Variants in TFDP2 observed in about 807,000 individuals in gnomAD.
TFDP2 encodes the protein transcription factor Dp-2, also known as transcription factor Dp-2 (E2F dimerization partner 2).
In TFDP2, 17 loss-of-function variants were observed where a neutral mutation model predicts 59.3. The ratio of observed to expected loss-of-function variants is 0.29; its 90% CI spans 0.20 to 0.43. The LOEUF (loss-of-function observed/expected upper bound fraction) is 0.43, where lower values mean the gene tolerates loss of function less well. TFDP2 is among the 20% of genes least tolerant of loss of function. TFDP2 has a pLI of 1.00. For missense variants in TFDP2, 391 were observed against 528.8 expected (o/e 0.74, Z 2.56); for synonymous variants, 180 against 194.7 (o/e 0.92, Z 0.63).
intron 3 of TFDP2, among the ~76,000 whole-genome samples, chr3:142,039,192 A>G (rs766048245): frequency 2.6e-5 from 4 of 152,198 alleles, no homozygotes; most frequent in Non-Finnish European, 4.4e-5. Flanking sequence ...ATTCATACTC[A>G]TATTTTTATT....
chr3:141,967,753 A>G (rs1436593470), intron 9 of TFDP2, among the ~76,000 whole-genome samples: 1 of 152,186 alleles, frequency 6.6e-6, no homozygotes, highest in Non-Finnish European at 1.5e-5. Context: ...GAGAGACAGT[A>G]GAGGAAAAGA....
At position 141,963,907 on chromosome 3, in the gene TFDP2, C is replaced by T. The variant is rs774385099; in HGVS notation, c.789G>A (p.Gln263=). 5.0e-5 allele frequency: 81 copies of T among 1,613,514 alleles called. No homozygotes were observed. In the Admixed American group the frequency reaches 1.2e-3, roughly 23 times the overall value. The change falls in exon 10 of 13, where the codon CAG becomes CAA. Residue 263 remains glutamine (Q), a synonymous_variant. Coordinates refer to ENST00000489671, the MANE Select transcript of TFDP2 (RefSeq NM_001178139.2). ...TGGTAGAGTTCAGAGCCGGCGGGCC[C>T]TGGTTTTGCTGCTCATTTTGTCGAT... is the stretch of plus-strand genomic sequence containing the variant. ...QRNRQNEQQN[Q]GPPALNSTIQ...
chr3:141,977,495 G>C (rs1940874440), intron 7 of TFDP2, among the ~76,000 whole-genome samples: 1 of 151,902 alleles, frequency 6.6e-6, no homozygotes, highest in Non-Finnish European at 1.5e-5. Context: ...AGGATGCTGA[G>C]GCACAAGCAT....
intron 1 of TFDP2, among the ~76,000 whole-genome samples, chr3:142,110,370 G>A (rs939899122): frequency 3.3e-5 from 5 of 152,014 alleles, no homozygotes; most frequent in East Asian, 1.9e-4. Flanking sequence ...CGGGCGTGGC[G>A]GCAAGCGCCT....
intron 1 of TFDP2, among the ~76,000 whole-genome samples, chr3:142,102,385 T>C (rs4683669): frequency 0.085 from 12,952 of 152,172 alleles, 693 homozygotes; most frequent in Middle Eastern, 0.14. Context: ...TACATAATGA[T>C]AGTAACAGAT....
intron 3 of TFDP2, among the ~76,000 whole-genome samples, chr3:142,029,464 G>GT (rs11569167): frequency 2.0e-5 from 3 of 151,202 alleles, no homozygotes; most frequent in Non-Finnish European, 3.0e-5. Context: ...TGTTGTCCTG[G>GT]TTTTTTTTTA....
chr3:142,077,031 T>C (rs2060481445), intron 3 of TFDP2, among the ~76,000 whole-genome samples: 1 of 152,176 alleles, frequency 6.6e-6, no homozygotes, highest in Admixed American at 6.5e-5. Context: ...AGAGAATCTA[T>C]GCACCTGGGG....
At chr3:142,112,379 C>T (rs1324655144) in intron 1 of TFDP2, among the ~76,000 whole-genome samples, 5 of 152,192 alleles carry the variant, frequency 3.3e-5, no homozygotes, top group Admixed American at 2.6e-4. Context: ...TTCCCCAGAG[C>T]TCAACGCAGC....
At chr3:142,027,300 T>C (rs1032806199) in intron 3 of TFDP2, among the ~76,000 whole-genome samples, 1 of 152,086 alleles carries the variant, frequency 6.6e-6, no homozygotes. Context: ...AAATAATAAA[T>C]TTTAAATGAC....
At position 142,051,265 on chromosome 3, in the gene TFDP2, C is replaced by T. The variant is rs576978978; in HGVS notation, c.82+41796G>A. ...CAATCAAAAATGTCTCCAGGCCTGG[C>T]GCGGTGGCTCAGGCCTGTAATCCAG... On this transcript the variant is annotated intron_variant, in intron 3 of 12. Transcript: ENST00000489671. 3.3e-5 allele frequency among the ~76,000 whole-genome samples: 5 copies of T among 152,234 alleles called. No homozygotes were observed. The East Asian group carries it at 5.8e-4, about 18-fold the overall frequency.
Position 142,105,976 on chromosome 3 carries a change from A to G in TFDP2, c.-92-4135T>C, listed in dbSNP as rs186129581. On this transcript the variant is annotated intron_variant, in intron 1 of 12. Transcript: ENST00000489671. Reference sequence around the variant, plus strand: ...ATTCAATGTTAGAGGGGGGAAAAAAATCTGTTCATTGATTTCTCATGACAA... The same window carrying G: ...ATTCAATGTTAGAGGGGGGAAAAAAGTCTGTTCATTGATTTCTCATGACAA... Among the ~76,000 whole-genome samples the G allele has an allele frequency of 1.4e-3, 213 of 152,196 alleles. 3 individuals are homozygous for G. The highest frequency in any genetic ancestry group is 0.012 in the Admixed American group (186 of 15,290).
intron 3 of TFDP2, among the ~76,000 whole-genome samples, chr3:142,019,655 C>CG (rs1553778373): frequency 6.6e-6 from 1 of 150,916 alleles, no homozygotes; most frequent in African/African-American, 2.4e-5. Context: ...ACACCCCCCC[C>CG]AACATCTTCT....
At chr3:142,124,062 T>C (rs2108705184) in intron 1 of TFDP2, among the ~76,000 whole-genome samples, 1 of 151,532 alleles carries the variant, frequency 6.6e-6, no homozygotes, top group Non-Finnish European at 1.5e-5. Flanking sequence ...GAAAAAAACA[T>C]CAGGAAGAAA....
intron 3 of TFDP2, among the ~76,000 whole-genome samples, chr3:142,062,398 T>TAC (rs2059948325): frequency 7.3e-6 from 1 of 137,422 alleles, no homozygotes; most frequent in Admixed American, 7.3e-5. Flanking sequence ...TTATATAATA[T>TAC]ATATGTGTGT....
intron 3 of TFDP2, among the ~76,000 whole-genome samples, chr3:142,077,126 G>A (rs111389400): frequency 6.6e-6 from 1 of 152,288 alleles, no homozygotes; most frequent in Non-Finnish European, 1.5e-5. Context: ...ACCCACAGAG[G>A]GAACATATAG....
At chr3:142,094,305 C>CTTT (rs34185822) in intron 2 of TFDP2, among the ~76,000 whole-genome samples, 1 of 138,754 alleles carries the variant, frequency 7.2e-6, no homozygotes, top group Non-Finnish European at 1.6e-5. Context: ...TCAAACTGTA[C>CTTT]TTTTTTTTTT....
chr3:141,965,570 G>A (rs1445402591), intron 9 of TFDP2, among the ~76,000 whole-genome samples: 9 of 133,092 alleles, frequency 6.8e-5, no homozygotes, highest in African/African-American at 2.2e-4. Flanking sequence ...AGGGGAAGGG[G>A]AAGGGGAAGG....
intron 1 of TFDP2, among the ~76,000 whole-genome samples, chr3:142,135,232 A>T (rs73236032): frequency 1.3e-5 from 2 of 151,938 alleles, no homozygotes; most frequent in Non-Finnish European, 2.9e-5. Flanking sequence ...CAGCCTCACA[A>T]GTAGCTGGGA....
chr3:141,968,493 TATAG>T (rs1300327000), intron 9 of TFDP2, among the ~76,000 whole-genome samples: 2 of 105,432 alleles, frequency 1.9e-5, no homozygotes, highest in African/African-American at 8.0e-5. Flanking sequence ...ATATCTCATA[TATAG>T]ATATATATAA....
Sources: allele counts gnomAD v4.1 joint callset (sites outside exome capture counted in the v4.1 genomes callset), GRCh38; gene constraint gnomAD v4.1.1; transcripts MANE v1.5; gene names NCBI Gene and HGNC (gene_info 2026-07-23, HGNC 2026-07-21).